The following TMEM52B variants were observed in gnomAD, a reference collection of about 807,000 sequenced individuals.
TMEM52B encodes transmembrane protein 52B, also known as chromosome 12 open reading frame 59.
TMEM52B carries 11 observed loss-of-function variants against 16.1 expected under a neutral mutation model. The observed-to-expected ratio is 0.68, with a 90% CI of 0.43 to 1.13. The LOEUF (loss-of-function observed/expected upper bound fraction) is 1.13, where lower values mean the gene tolerates loss of function less well. Ranked by LOEUF, TMEM52B falls within the 50% of genes most tolerant of loss-of-function variation. TMEM52B has a pLI of 0.00. For synonymous variants in TMEM52B, 101 were observed against 93.8 expected, an observed-to-expected ratio of 1.08 and a Z score of -0.45; for missense variants, 243 against 230.4, an observed-to-expected ratio of 1.05 and a Z score of -0.35.
intron 3 of TMEM52B, among the ~76,000 whole-genome samples, chr12:10,185,687 A>G (rs949413955): frequency 6.6e-6 from 1 of 151,836 alleles, no homozygotes; most frequent in Admixed American, 6.6e-5. Context: ...CAGGCAGATC[A>G]CTTTGAGGCC....
At chr12:10,171,700 G>T (rs565909081) in intron 1 of TMEM52B, among the ~76,000 whole-genome samples, 31 of 152,256 alleles carry the variant, frequency 2.0e-4, no homozygotes, top group African/African-American at 6.3e-4. Context: ...TTAGCTCTCT[G>T]TAAAAGGGAG....
intron 1 of TMEM52B, among the ~76,000 whole-genome samples, chr12:10,173,462 TA>T (rs1226325116): frequency 1.3e-5 from 2 of 152,090 alleles, no homozygotes; most frequent in Admixed American, 6.6e-5. Context: ...TTCCTTTTAT[TA>T]TGTGCAGAGT....
chr12:10,182,720 T>G (rs536323295), intron 2 of TMEM52B, 127 bp downstream of exon 2: 42 of 1,002,666 alleles, frequency 4.2e-5, no homozygotes, highest in Non-Finnish European at 5.5e-5. Context: ...GTAATAGATC[T>G]CATAGATGAC....
In TMEM52B at chr12:10,190,368, C is replaced by T. The variant is rs1279288240; in HGVS notation, c.*228C>T. 2 of 521,686 alleles carry T rather than the reference C, an allele frequency of 3.8e-6. No homozygotes were observed. Among genetic ancestry groups the T allele is most frequent in the Non-Finnish European group, 6.8e-6 (2 of 292,886 alleles). 32.3% of individuals were successfully genotyped at this position (521,686 alleles called of 1,614,324 possible). On this transcript the variant is annotated 3_prime_UTR_variant, in exon 5 of 5. Transcript: ENST00000543484. ...CCAATGGCCAAAATCTGCAAGTAAT[C>T]TCTAGCCACACTGATTACTACTAAA...
At chr12:10,182,676 C>T (rs2137549191) in intron 2 of TMEM52B, 83 bp downstream of exon 2, 2 of 1,313,826 alleles carry the variant, frequency 1.5e-6, no homozygotes, top group African/African-American at 1.5e-5. Context: ...TGTCATTAGA[C>T]ATCTATGACT....
At chr12:10,181,960 G>C (rs1384597221) in intron 1 of TMEM52B, among the ~76,000 whole-genome samples, 1 of 142,260 alleles carries the variant, frequency 7.0e-6, no homozygotes, top group Non-Finnish European at 1.5e-5. Flanking sequence ...CCGGGAGGTA[G>C]AGGTTGCAGT....
In TMEM52B at chr12:10,190,205, A is replaced by G. The variant is rs549819089; in HGVS notation, c.*65A>G. On this transcript the variant is annotated 3_prime_UTR_variant, in exon 5 of 5. Transcript: ENST00000543484. ...CAGAGTCTGTGGGAAAATGGAACAC[A>G]TACTTTTCTAACCCTCAGAAGTTTT... The G allele has an allele frequency of 3.8e-5, 60 of 1,594,092 alleles. No individual in the cohort carries two copies. In the South Asian group the frequency reaches 4.8e-4, roughly 13 times the overall value.
intron 1 of TMEM52B, chr12:10,182,295 A>G (rs773244185): frequency 1.5e-5 from 15 of 985,356 alleles, no homozygotes; most frequent in Non-Finnish European, 1.7e-5. Flanking sequence ...GCTACCTCTC[A>G]TTCACAAAGG....
At chr12:10,181,154 G>A (rs1948817946) in intron 1 of TMEM52B, among the ~76,000 whole-genome samples, 1 of 152,132 alleles carries the variant, frequency 6.6e-6, no homozygotes, top group Non-Finnish European at 1.5e-5. Context: ...TCAGGTAGAA[G>A]AAAGAGTGGA....
intron 1 of TMEM52B, among the ~76,000 whole-genome samples, chr12:10,172,579 T>C (rs1056469935): frequency 3.9e-5 from 6 of 152,188 alleles, no homozygotes; most frequent in Non-Finnish European, 7.3e-5. Context: ...TGGCAATGGA[T>C]CTAAGAATTT....
At chr12:10,181,680 G>A (rs1948824528) in intron 1 of TMEM52B, among the ~76,000 whole-genome samples, 1 of 151,550 alleles carries the variant, frequency 6.6e-6, no homozygotes, top group Admixed American at 6.6e-5. Flanking sequence ...TTCAAGATAA[G>A]GTTAAATATA....
intron 3 of TMEM52B, 98 bp from the exon 4 acceptor site, chr12:10,186,322 A>T: frequency 1.2e-6 from 1 of 838,424 alleles, no homozygotes; most frequent in Non-Finnish European, 1.7e-6. Flanking sequence ...TAAAATGTTT[A>T]GACAAGAATC....
rs1230315306 is a variant in TMEM52B, at chr12:10,188,491, G to GGGAAGGAAGGAAGAAA, written c.308-1392_308-1391insAAAGGAAGGAAGGAAG. On this transcript the variant is annotated intron_variant, in intron 4 of 4. Transcript: ENST00000543484. ...AAAAGGAAAGAAAGAAAGAGAGAGA[G>GGGAAGGAAGGAAGAAA]GGAAGGAAGGAAGGAAGGAAGGAAG... Among the ~76,000 whole-genome samples, 51 of 78,244 alleles carry GGGAAGGAAGGAAGAAA rather than the reference G, an allele frequency of 6.5e-4. 1 individual carries two copies. Among genetic ancestry groups the GGGAAGGAAGGAAGAAA allele is most frequent in the African/African-American group, 2.4e-3 (51 of 21,400 alleles). The allele number at this position is 78,244 out of a possible 152,430, so 51.3% of individuals were successfully genotyped here.
upstream of TMEM52B, among the ~76,000 whole-genome samples, chr12:10,176,429 G>A (rs548071200): frequency 7.2e-5 from 11 of 152,310 alleles, no homozygotes; most frequent in African/African-American, 2.2e-4. Flanking sequence ...TGGCAATTAC[G>A]TGTTAGAAAA....
intron 1 of TMEM52B, chr12:10,172,041 C>G (rs1157378441): frequency 6.2e-7 from 1 of 1,613,724 alleles, no homozygotes; most frequent in East Asian, 2.2e-5. Context: ...TCAGGCTGGT[C>G]CTTCACAGTC....
intron 4 of TMEM52B, among the ~76,000 whole-genome samples, chr12:10,189,191 A>G (rs1188751633): frequency 5.6e-5 from 8 of 142,396 alleles, no homozygotes; most frequent in Non-Finnish European, 1.2e-4. Flanking sequence ...TGACAGAGTG[A>G]GACACTGTCT....
chr12:10,177,972 T>G (rs1353482125), upstream of TMEM52B, among the ~76,000 whole-genome samples: 4 of 149,546 alleles, frequency 2.7e-5, no homozygotes, highest in Non-Finnish European at 5.9e-5. Flanking sequence ...CTCGGCTCAC[T>G]GCAACTTCTG....
At chr12:10,175,026 A>G (rs1028930705), upstream of TMEM52B, among the ~76,000 whole-genome samples, 1 of 152,154 alleles carries the variant, frequency 6.6e-6, no homozygotes, top group African/African-American at 2.4e-5. Context: ...GATCAGTGGG[A>G]TAGTTTCTAC....
At chr12:10,179,995 C>T (rs1251402925) in intron 1 of TMEM52B, among the ~76,000 whole-genome samples, 12 of 152,168 alleles carry the variant, frequency 7.9e-5, no homozygotes, top group Non-Finnish European at 1.5e-4. Context: ...ACGGAATTTC[C>T]CATCCAGGAA....
Sources: gnomAD v4.1 joint callset for allele counts (sites outside exome capture counted in the v4.1 genomes callset) on GRCh38, gnomAD v4.1.1 for gene constraint, MANE v1.5 for transcripts, NCBI Gene and HGNC (gene_info 2026-07-23, HGNC 2026-07-21) for gene names.